Variants in CDH18 observed in about 807,000 individuals in gnomAD.
The protein encoded by CDH18 is cadherin-18.
A neutral mutation model predicts 67.9 loss-of-function variants in CDH18; 31 were observed. The ratio of observed to expected loss-of-function variants is 0.46; its 90% CI spans 0.34 to 0.62. The LOEUF is 0.62. Ranked by LOEUF, CDH18 falls within the 20% of genes least tolerant of loss-of-function variation. The pLI, the probability that CDH18 is intolerant of heterozygous loss-of-function variation, is 0.01. For missense variants in CDH18, 890 were observed against 975.5 expected (o/e 0.91, Z 1.17); for synonymous variants, 362 against 347.2 (o/e 1.04, Z -0.48).
Position 19,747,898 on chromosome 5 carries a change from G to A in CDH18, c.229-662C>T, listed in dbSNP as rs952472308. Among the ~76,000 whole-genome samples, 13 of 151,404 alleles carry A rather than the reference G, an allele frequency of 8.6e-5. No individual in the cohort carries two copies. In the East Asian group the frequency reaches 2.2e-3, roughly 25 times the overall value. On this transcript the variant is annotated intron_variant, in intron 3 of 12. Transcript: ENST00000382275. ...CCGAGGTGGGCAGATCACGAGGTCA[G>A]CAGATCGAGACCATCCTGGCTAACA...
chr5:19,473,504 G>A lies in CDH18; in HGVS notation c.2095C>T (p.Pro699Ser), dbSNP rs1343018328. 1.2e-6 allele frequency: 2 copies of A among 1,613,600 alleles called. No individual in the cohort carries two copies. The highest frequency in any genetic ancestry group is 1.7e-6 in the Non-Finnish European group (2 of 1,179,706). Residue 699 changes from proline to serine, a missense_variant, in exon 13 of 13, where the codon CCC becomes TCC. Coordinates refer to ENST00000382275, the MANE Select transcript of CDH18 (RefSeq NM_004934.5). Reference protein sequence around the residue: ...RDIRPEVKLTPRHQTSSTLES... With the variant: ...RDIRPEVKLTSRHQTSSTLES... ...AGGGTGGATGATGTCTGGTGTCTGG[G>A]AGTGAGCTTCACTTCAGGTCTGATA...
chr5:19,662,286 G>A (rs1561564174), intron 5 of CDH18, among the ~76,000 whole-genome samples: 1 of 151,824 alleles, frequency 6.6e-6, no homozygotes, highest in Non-Finnish European at 1.5e-5. Context: ...TGATATTCCG[G>A]CATTTATTTT....
intron 6 of CDH18, among the ~76,000 whole-genome samples, chr5:19,606,924 A>C (rs1748140002): frequency 6.6e-6 from 1 of 151,754 alleles, no homozygotes; most frequent in Non-Finnish European, 1.5e-5. Flanking sequence ...ATCTTAATAG[A>C]AGAAAGGTCC....
intron 2 of CDH18, among the ~76,000 whole-genome samples, chr5:20,083,445 G>A (rs1379724164): frequency 1.3e-5 from 2 of 152,028 alleles, no homozygotes; most frequent in East Asian, 1.9e-4. Context: ...CCTGCATTGA[G>A]AGCAAGTCTA....
intron 7 of CDH18, among the ~76,000 whole-genome samples, chr5:19,589,900 T>C (rs1744811266): frequency 6.6e-6 from 1 of 152,140 alleles, no homozygotes; most frequent in African/African-American, 2.4e-5. Flanking sequence ...CTTCTTTCAA[T>C]TCTCTCTTTA....
In CDH18 at chr5:20,330,451, C is replaced by T. The variant is rs1056922801; in HGVS notation, c.-579-74946G>A. Among the ~76,000 whole-genome samples, 10 of 152,238 alleles carry T rather than the reference C, an allele frequency of 6.6e-5. No individual in the cohort carries two copies. The East Asian group carries it at 1.2e-3, about 18-fold the overall frequency. On this transcript the variant is annotated intron_variant, in intron 1 of 14. Coordinates refer to the CDH18 transcript ENST00000507958. ...GGTCCCAGCTGGTGCCAGGGAAAGG[C>T]GGTCTTCCAATAGATAGAAACACCT...
intron 2 of CDH18, among the ~76,000 whole-genome samples, chr5:19,950,217 G>GC (rs1458905101): frequency 1.3e-5 from 2 of 151,970 alleles, no homozygotes; most frequent in Non-Finnish European, 2.9e-5. Context: ...AATGGCATTT[G>GC]CAGCAACCTG....
At chr5:19,835,185 G>C (rs1439554551) in intron 3 of CDH18, among the ~76,000 whole-genome samples, 1 of 152,128 alleles carries the variant, frequency 6.6e-6, no homozygotes, top group Non-Finnish European at 1.5e-5. Flanking sequence ...GGAGTAGTAT[G>C]CAGCCATAAA....
chr5:19,716,010 G>A (rs1428430985), intron 5 of CDH18, among the ~76,000 whole-genome samples: 6 of 152,016 alleles, frequency 3.9e-5, no homozygotes, highest in African/African-American at 1.2e-4. Flanking sequence ...GCAGAGACAG[G>A]ATTTCACCAT....
At chr5:19,506,282 T>C (rs2126789713) in intron 10 of CDH18, among the ~76,000 whole-genome samples, 1 of 152,220 alleles carries the variant, frequency 6.6e-6, no homozygotes, top group Middle Eastern at 3.4e-3. Context: ...TGGAAGAACA[T>C]TCCATGCTCA....
chr5:20,498,538 T>A (rs541742674), intron 1 of CDH18, among the ~76,000 whole-genome samples: 1 of 152,272 alleles, frequency 6.6e-6, no homozygotes, highest in Admixed American at 6.5e-5. Flanking sequence ...GTGAGAGTTA[T>A]ATTAACTCCA....
intron 6 of CDH18, among the ~76,000 whole-genome samples, chr5:19,600,255 G>A (rs946585038): frequency 6.6e-6 from 1 of 151,574 alleles, no homozygotes; most frequent in African/African-American, 2.4e-5. Context: ...TGTAAATGAC[G>A]AGTTAATGGG....
chr5:20,076,632 T>C (rs541427354), intron 2 of CDH18, among the ~76,000 whole-genome samples: 3 of 152,226 alleles, frequency 2.0e-5, no homozygotes, highest in Non-Finnish European at 4.4e-5. Context: ...ATAAAAACAT[T>C]GTACATATGT....
chr5:20,305,208 C>T, intron 1 of CDH18: 1 of 1,385,542 alleles, frequency 7.2e-7, no homozygotes, highest in South Asian at 1.2e-5. Context: ...CCAAAGGCTT[C>T]CCTCCAGCAC....
Position 20,429,046 on chromosome 5 carries a change from AC to A in CDH18, c.-580+146415del, listed in dbSNP as rs551805066. The stretch of plus-strand genomic sequence containing the variant: ...GGTAGGTGAGTGTAAAAGAGCACAA[AC>A]ACTCGTCTATTTTTTTTGCTGATAC... On this transcript the variant is annotated intron_variant, in intron 1 of 14. Coordinates refer to the CDH18 transcript ENST00000507958. Among the ~76,000 whole-genome samples, 53 of 151,560 alleles carry A rather than the reference AC, an allele frequency of 3.5e-4. 1 individual carries two copies. The South Asian group carries it at 0.011, about 32-fold the overall frequency.
chr5:20,305,421 T>C, intron 1 of CDH18: 3 of 1,526,870 alleles, frequency 2.0e-6, no homozygotes, highest in Non-Finnish European at 2.7e-6. Flanking sequence ...AATTCCTATC[T>C]GTCAGTTCCT....
At chr5:20,066,113 C>T (rs1742957775) in intron 2 of CDH18, among the ~76,000 whole-genome samples, 1 of 151,960 alleles carries the variant, frequency 6.6e-6, no homozygotes, top group Non-Finnish European at 1.5e-5. Context: ...ACAAAAACTA[C>T]ATCAACAGAG....
chr5:19,657,482 A>G (rs1756557851), intron 5 of CDH18, among the ~76,000 whole-genome samples: 1 of 152,138 alleles, frequency 6.6e-6, no homozygotes, highest in Admixed American at 6.6e-5. Flanking sequence ...AGGGTTTTAG[A>G]TATTATTTGA....
intron 1 of CDH18, among the ~76,000 whole-genome samples, chr5:20,335,836 G>A (rs564804953): frequency 1.3e-5 from 2 of 152,232 alleles, no homozygotes; most frequent in East Asian, 3.9e-4. Context: ...AAAGCATTAT[G>A]AACAAAGACA....
Sources: allele counts gnomAD v4.1 joint callset (sites outside exome capture counted in the v4.1 genomes callset), GRCh38; gene constraint gnomAD v4.1.1; transcripts MANE v1.5; gene names NCBI Gene and HGNC (gene_info 2026-07-23, HGNC 2026-07-21).